GNAL: variants seen among roughly 807,000 people sequenced by gnomAD.
GNAL encodes the protein G protein subunit alpha L.
Under a neutral mutation model 55.1 loss-of-function variants are expected in GNAL, and 18 were observed. The observed-to-expected ratio is 0.33, with a 90% CI of 0.23 to 0.48. The LOEUF (loss-of-function observed/expected upper bound fraction) is 0.48, where lower values mean the gene tolerates loss of function less well. GNAL is among the 20% of genes least tolerant of loss of function. The pLI is 0.99. For missense variants in GNAL, 412 were observed against 614.1 expected (o/e 0.67, Z 3.48); for synonymous variants, 253 against 237.0 (o/e 1.07, Z -0.62).
At chr18:11,732,062 A>G (rs1163354986) in intron 1 of GNAL, among the ~76,000 whole-genome samples, 1 of 152,122 alleles carries the variant, frequency 6.6e-6, no homozygotes, top group East Asian at 1.9e-4. Context: ...TAGGTATACC[A>G]TATTTTGTCT....
intron 5 of GNAL, chr18:11,833,509 C>T (rs1369367079): frequency 6.6e-6 from 1 of 152,204 alleles, no homozygotes; most frequent in Non-Finnish European, 1.5e-5. Context: ...CCTCTAGAAA[C>T]CCTTGCCCTG....
intron 5 of GNAL, 21 bp from the exon 6 acceptor site, chr18:11,862,374 C>G (rs2036167152): frequency 6.2e-7 from 1 of 1,610,650 alleles, no homozygotes. Flanking sequence ...AGGCCTCAAC[C>G]CTTGCTGGCT....
chr18:11,729,288 C>A (rs540458984), intron 1 of GNAL, among the ~76,000 whole-genome samples: 1 of 152,072 alleles, frequency 6.6e-6, no homozygotes, highest in Admixed American at 6.5e-5. Flanking sequence ...TCTTAGCGCT[C>A]CTCTTGCCCC....
At chr18:11,851,787 G>A (rs757310923) in intron 5 of GNAL, 3 of 1,614,020 alleles carry the variant, frequency 1.9e-6, no homozygotes, top group South Asian at 2.2e-5. Context: ...CCAAGTCGAT[G>A]GCTGGTGTGG....
At chr18:11,831,974 G>A (rs1206567017) in intron 5 of GNAL, among the ~76,000 whole-genome samples, 1 of 152,198 alleles carries the variant, frequency 6.6e-6, no homozygotes, top group Non-Finnish European at 1.5e-5. Flanking sequence ...GAGTGTCCTT[G>A]AAGCATTGAG....
At chr18:11,708,374 G>A (rs1192423199) in intron 1 of GNAL, among the ~76,000 whole-genome samples, 1 of 152,178 alleles carries the variant, frequency 6.6e-6, no homozygotes, top group African/African-American at 2.4e-5. Flanking sequence ...CAGTACAGCA[G>A]TCAGAACACA....
intron 1 of GNAL, among the ~76,000 whole-genome samples, chr18:11,732,326 C>G (rs1474154991): frequency 2.0e-5 from 3 of 152,238 alleles, no homozygotes; most frequent in African/African-American, 7.2e-5. Context: ...TTTTCCACAT[C>G]TCACCGACAC....
intron 4 of GNAL, among the ~76,000 whole-genome samples, chr18:11,810,066 C>A (rs2143561858): frequency 6.6e-6 from 1 of 152,336 alleles, no homozygotes; most frequent in East Asian, 1.9e-4. Context: ...GAGCTAGGGG[C>A]TGCACCTTCT....
intron 1 of GNAL, among the ~76,000 whole-genome samples, chr18:11,742,482 A>C (rs2032597985): frequency 6.6e-6 from 1 of 152,202 alleles, no homozygotes; most frequent in Admixed American, 6.5e-5. Flanking sequence ...ATAACAAAGA[A>C]AGGGACCTCT....
intron 4 of GNAL, among the ~76,000 whole-genome samples, chr18:11,774,113 TCCTGGTCAC>T (rs2033712035): frequency 6.6e-6 from 1 of 152,214 alleles, no homozygotes; most frequent in Non-Finnish European, 1.5e-5. Context: ...TGAGATGTCA[TCCTGGTCAC>T]CCTTCACCAT....
At chr18:11,695,468 C>T (rs943437224) in intron 1 of GNAL, among the ~76,000 whole-genome samples, 3 of 152,134 alleles carry the variant, frequency 2.0e-5, no homozygotes, top group Non-Finnish European at 2.9e-5. Context: ...ATTTAATCTG[C>T]CAAATGAACA....
chr18:11,885,175 A>AGT lies in GNAL; in HGVS notation c.*4041_*4042dup. On this transcript the variant is annotated 3_prime_UTR_variant, in exon 12 of 12. Transcript: ENST00000334049. ...TAGGGTTTCCTCCACCTTTTTATGA[A>AGT]GTAAAAGAACCTGTCGTACCAGCAT... is the stretch of plus-strand genomic sequence containing the variant. The AGT allele has an allele frequency of 1.5e-6, 1 of 661,302 alleles. No homozygotes were observed. Among genetic ancestry groups the AGT allele is most frequent in the Non-Finnish European group, 2.1e-6 (1 of 472,210 alleles). 41.0% of individuals were successfully genotyped at this position (661,302 alleles called of 1,614,324 possible). A position where few individuals can be genotyped will look rare whatever the true frequency, so the allele number is the denominator to read the frequency against.
At chr18:11,764,016 C>A (rs1216000018) in intron 4 of GNAL, among the ~76,000 whole-genome samples, 1 of 152,218 alleles carries the variant, frequency 6.6e-6, no homozygotes, top group Non-Finnish European at 1.5e-5. Flanking sequence ...AAGGTGGGGT[C>A]TGCTTCTATA....
Position 11,881,873 on chromosome 18 carries a change from T to A in GNAL, c.*738T>A, listed in dbSNP as rs186835268. 3.3e-5 allele frequency: 5 copies of A among 152,762 alleles called. No individual in the cohort carries two copies. Among genetic ancestry groups the A allele is most frequent in the African/African-American group, 1.2e-4 (5 of 41,584 alleles). The allele number at this position is 152,762 out of a possible 1,614,324, so 9.5% of individuals were successfully genotyped here. ...ACTGTACAGACCACAAAATGTAATATTCTTTTGTATAACTACTAAAGAAAA... is the reference window on the plus strand; with the variant it reads ...ACTGTACAGACCACAAAATGTAATAATCTTTTGTATAACTACTAAAGAAAA... On this transcript the variant is annotated 3_prime_UTR_variant, in exon 12 of 12. Transcript: ENST00000334049. This position sits in a 1 kb window ranked among gnomAD's most constrained non-coding sequence, Gnocchi z 4.8.
At chr18:11,786,968 C>A (rs1686668939) in intron 4 of GNAL, among the ~76,000 whole-genome samples, 1 of 152,006 alleles carries the variant, frequency 6.6e-6, no homozygotes, top group East Asian at 1.9e-4. Context: ...TTAAAATAAT[C>A]TCTGGCTGGG....
intron 1 of GNAL, among the ~76,000 whole-genome samples, chr18:11,737,532 T>C (rs577886683): frequency 1.3e-5 from 2 of 152,316 alleles, no homozygotes; most frequent in East Asian, 3.9e-4. Flanking sequence ...TGGGTTTCAC[T>C]GCCCTCCTGC....
chr18:11,746,238 A>G (rs1223618597), intron 1 of GNAL: 2 of 486,160 alleles, frequency 4.1e-6, no homozygotes, highest in East Asian at 1.1e-4. Context: ...TTCTGTAACA[A>G]TGTGGAGAAG....
chr18:11,700,770 A>G (rs1255772324), intron 1 of GNAL, among the ~76,000 whole-genome samples: 1 of 152,250 alleles, frequency 6.6e-6, no homozygotes, highest in Non-Finnish European at 1.5e-5. Context: ...CTTTGGATTA[A>G]TGCTCACTTG....
chr18:11,863,425 T>C (rs2036192177), intron 6 of GNAL, among the ~76,000 whole-genome samples: 1 of 152,230 alleles, frequency 6.6e-6, no homozygotes, highest in African/African-American at 2.4e-5. Context: ...GTCTGAGGCC[T>C]GAGCTTCTCT....
Sources: allele counts gnomAD v4.1 joint callset (sites outside exome capture counted in the v4.1 genomes callset), GRCh38; gene constraint gnomAD v4.1.1; non-coding constraint Gnocchi (gnomAD v3.1); transcripts MANE v1.5; gene names NCBI Gene and HGNC (gene_info 2026-07-23, HGNC 2026-07-21).